Variants in DNAH6 observed in about 807,000 individuals in gnomAD.
The protein encoded by DNAH6 is dynein axonemal heavy chain 6.
Under a neutral mutation model 491.4 loss-of-function variants are expected in DNAH6, and 340 were observed. The observed-to-expected ratio is 0.69, with a 90% CI of 0.63 to 0.76. The LOEUF (loss-of-function observed/expected upper bound fraction) is 0.76. Among genes scored for constraint, DNAH6 ranks in the 30% least tolerant of loss-of-function variants. The pLI is 0.00. For synonymous variants in DNAH6, 1,603 were observed against 1,686.1 expected (o/e 0.95, Z 1.21); for missense variants, 4,443 against 4,972.2 (o/e 0.89, Z 3.20).
chr2:84,815,047 C>T (rs1680355826), intron 75 of DNAH6, among the ~76,000 whole-genome samples: 1 of 152,240 alleles, frequency 6.6e-6, no homozygotes, highest in Non-Finnish European at 1.5e-5. Flanking sequence ...AAAGGTGCTC[C>T]CTCTGGGTGA....
rs1255904625 is a variant in DNAH6 at position 84,715,547 on chromosome 2, G to T, written c.9544-13G>T. On this transcript the variant is annotated splice_polypyrimidine_tract_variant and intron_variant, in intron 57 of 76. Transcript: ENST00000389394. ...ACTTAAGCATTTTTATGCACTCTGT[G>T]CTTCTCTTCCAGGTATGCATTAAAG... The T allele has an allele frequency of 1.3e-6, 2 of 1,551,054 alleles. No homozygotes were observed. The highest frequency in any genetic ancestry group is 1.7e-6 in the Non-Finnish European group (2 of 1,146,712).
At chr2:84,529,309 A>G (rs916508597) in intron 4 of DNAH6, 143 bp downstream of exon 4, 12 of 683,500 alleles carry the variant, frequency 1.8e-5, no homozygotes, top group Middle Eastern at 4.2e-4. Context: ...CCTAATCACA[A>G]CAATTTTGTA....
chr2:84,754,173 CT>C (rs35418709), intron 63 of DNAH6, among the ~76,000 whole-genome samples: 5,497 of 149,900 alleles, frequency 0.037, 150 homozygotes, highest in South Asian at 0.063. Flanking sequence ...GTCCAACATT[CT>C]TTTTTTTTCT....
chr2:84,664,625 T>C (rs1691888141), intron 37 of DNAH6, among the ~76,000 whole-genome samples: 1 of 152,122 alleles, frequency 6.6e-6, no homozygotes, highest in South Asian at 2.1e-4. Context: ...ACAAAGAGAC[T>C]TAGACTCCCA....
At chr2:84,812,250 G>A (rs1025440215) in intron 72 of DNAH6, 91 bp from the exon 73 acceptor site, 5 of 1,239,006 alleles carry the variant, frequency 4.0e-6, no homozygotes, top group African/African-American at 1.5e-5. Flanking sequence ...GGCGCCTCCA[G>A]GCAAGGCAGC....
chr2:84,701,090 T>G lies in DNAH6; in HGVS notation c.7819-7T>G. The G allele has an allele frequency of 6.5e-7, 1 of 1,547,400 alleles. No homozygotes were observed. The highest frequency in any genetic ancestry group is 8.7e-7 in the Non-Finnish European group (1 of 1,143,044). On this transcript the variant is annotated splice_region_variant and splice_polypyrimidine_tract_variant and intron_variant, in intron 48 of 76. Transcript: ENST00000389394. ...ACAGATTTTCTAGATTTTTCCTTGA[T>G]TCACAGTGGCCCAGAGAAGCACTTC...
chr2:84,685,454 A>G lies in DNAH6; in HGVS notation c.7045A>G (p.Ile2349Val), dbSNP rs1694176154. 1 of 1,484,604 alleles carries G rather than the reference A, an allele frequency of 6.7e-7. No homozygotes were observed. The highest frequency in any genetic ancestry group is 1.4e-5 in the South Asian group (1 of 69,720). The allele number at this position is 1,484,604 out of a possible 1,614,324, so 92.0% of individuals were successfully genotyped here. A position where few individuals can be genotyped will look rare whatever the true frequency, so the allele number is the denominator to read the frequency against. The part of the protein sequence containing the change: ...NNEDKHYFHV[I>V]LTEMANKHFG... ...TGAAGATAAGCACTATTTCCATGTT[A>G]TTCTGACAGAAATGGCCAGTAAATA... The change falls in exon 43 of 77, where the codon ATT becomes GTT. Residue 2349 changes from isoleucine to valine, a missense_variant. By Grantham distance (29) the Ile-to-Val change is conservative. Coordinates refer to ENST00000389394, the MANE Select transcript of DNAH6 (RefSeq NM_001370.2).
intron 37 of DNAH6, among the ~76,000 whole-genome samples, chr2:84,667,152 A>C (rs1033008490): frequency 1.3e-5 from 2 of 152,210 alleles, no homozygotes; most frequent in African/African-American, 4.8e-5. Flanking sequence ...ACCCTAGAAG[A>C]AAACCTAGGC....
At chr2:84,617,026 C>A in intron 23 of DNAH6, 44 bp downstream of exon 23, 1 of 1,076,856 alleles carries the variant, frequency 9.3e-7, no homozygotes, top group Middle Eastern at 2.4e-4. Context: ...GTAGTTATGA[C>A]TGTCAATCAA....
At chr2:84,664,051 G>C (rs1400312055) in intron 37 of DNAH6, among the ~76,000 whole-genome samples, 2 of 152,146 alleles carry the variant, frequency 1.3e-5, no homozygotes, top group Non-Finnish European at 1.5e-5. Flanking sequence ...CAAATACTGA[G>C]AGATTTTGTC....
At position 84,701,841 on chromosome 2, in the gene DNAH6, A is replaced by G. The variant is rs953584056; in HGVS notation, c.8061+502A>G. ...CAACATGAGATTTGGGTGGGGACAC[A>G]GATCCAAACCATATCAGGCCCTCTC... On this transcript the variant is annotated intron_variant, in intron 49 of 76. Transcript: ENST00000389394. Among the ~76,000 whole-genome samples, 14 of 152,190 alleles carry G rather than the reference A, an allele frequency of 9.2e-5. 1 individual carries two copies. The highest frequency in any genetic ancestry group is 3.4e-4 in the African/African-American group (14 of 41,442).
chr2:84,535,148 A>G (rs191995252), intron 4 of DNAH6, among the ~76,000 whole-genome samples: 1 of 151,986 alleles, frequency 6.6e-6, no homozygotes, highest in African/African-American at 2.4e-5. Context: ...AAAATTTTAA[A>G]TCATTTGCTG....
intron 61 of DNAH6, among the ~76,000 whole-genome samples, chr2:84,728,384 G>A (rs191753785): frequency 8.5e-5 from 13 of 152,354 alleles, no homozygotes; most frequent in Admixed American, 1.3e-4. Flanking sequence ...CATACATTTT[G>A]CTGTGTTGCC....
chr2:84,529,222 TATTA>T (rs1420950121), intron 4 of DNAH6, 56 bp downstream of exon 4: 2 of 1,230,488 alleles, frequency 1.6e-6, no homozygotes, highest in Non-Finnish European at 2.2e-6. Flanking sequence ...AGATTTCACA[TATTA>T]TTTATAATTG....
chr2:84,492,931 A>C, the DNAH6 span, among the ~76,000 whole-genome samples: 4 of 152,194 alleles, frequency 2.6e-5, no homozygotes, highest in African/African-American at 9.6e-5. Context: ...ATTTTCTAGA[A>C]GATTCAGTCT....
At chr2:84,643,667 G>A (rs1689627411) in intron 33 of DNAH6, among the ~76,000 whole-genome samples, 1 of 152,136 alleles carries the variant, frequency 6.6e-6, no homozygotes, top group Admixed American at 6.5e-5. Context: ...GCCTATCAAA[G>A]GCATTCTTCA....
At position 84,639,342 on chromosome 2, in the gene DNAH6, AT is replaced by A. The variant is rs528451047; in HGVS notation, c.4822-1085del. On this transcript the variant is annotated intron_variant, in intron 31 of 76. Transcript: ENST00000389394. ...TAGTACTCAGTAATGGATTGGACGA[AT>A]TTGAAAGTCTAGTCTTCTGAGTGCT... Among the ~76,000 whole-genome samples the A allele has an allele frequency of 2.6e-5, 4 of 151,796 alleles. No homozygotes were observed. In the South Asian group the frequency reaches 8.3e-4, roughly 32 times the overall value.
the DNAH6 span, among the ~76,000 whole-genome samples, chr2:84,488,518 A>G: frequency 2.0e-5 from 3 of 152,020 alleles, no homozygotes; most frequent in South Asian, 4.1e-4. Flanking sequence ...ATTTTTTCCA[A>G]TTTCTAGAGG....
intron 62 of DNAH6, among the ~76,000 whole-genome samples, chr2:84,741,421 G>C (rs1672517466): frequency 6.6e-6 from 1 of 152,062 alleles, no homozygotes; most frequent in Admixed American, 6.5e-5. Flanking sequence ...GGATGACCTG[G>C]TCTCCCTGTT....
Sources: gnomAD v4.1 joint callset for allele counts (sites outside exome capture counted in the v4.1 genomes callset) on GRCh38, gnomAD v4.1.1 for gene constraint, MANE v1.5 for transcripts, NCBI Gene and HGNC (gene_info 2026-07-23, HGNC 2026-07-21) for gene names.